The following PRDM10 variants were observed in gnomAD, a reference collection of about 807,000 sequenced individuals.
The protein encoded by PRDM10 is PR/SET domain 10, also known as PR domain zinc finger protein 10.
In PRDM10, 65 loss-of-function variants were observed where a neutral mutation model predicts 133.1. The observed-to-expected ratio is 0.49, with a 90% CI of 0.40 to 0.60. PRDM10 has a LOEUF of 0.60. Ranked by LOEUF, PRDM10 falls within the 20% of genes least tolerant of loss-of-function variation. The pLI is 0.00. For synonymous variants in PRDM10, 582 were observed against 580.4 expected (o/e 1.00, Z -0.04); for missense variants, 1,137 against 1,507.1 (o/e 0.75, Z 4.07).
rs757219300 is a variant in PRDM10 at position 129,910,573 on chromosome 11, T to C, written c.3066A>G (p.Thr1022=). 4 of 1,613,996 alleles carry C rather than the reference T, an allele frequency of 2.5e-6. No individual in the cohort carries two copies. The highest frequency in any genetic ancestry group is 2.5e-6 in the Non-Finnish European group (3 of 1,179,962). ...GCTGCTGCTGCAGAGCCTGCCCCTG[T>C]GTGGAAGAACTGCCCTGGATGTGGG... ...SPSHIQGSSS[T]QGQALQQQQQ... The change falls in exon 19 of 21, where the codon ACA becomes ACG. Residue 1022 remains threonine, a synonymous_variant. Transcript: ENST00000360871.
chr11:129,931,301 G>C (rs1301470090), intron 10 of PRDM10, 43 bp from the exon 11 acceptor site: 2 of 1,569,974 alleles, frequency 1.3e-6, no homozygotes. Context: ...GTGCCGGAGG[G>C]ACTGTCAGCT....
Position 129,965,310 on chromosome 11 carries a change from T to C in PRDM10, c.-118-4228A>G, listed in dbSNP as rs1951883901. On this transcript the variant is annotated intron_variant, in intron 1 of 20. Transcript: ENST00000360871. ...ATTCCCTGTACATGAATATCTTTGA[T>C]AGTAAGGCTTGTCATATTGATTTTC... 4.6e-5 allele frequency among the ~76,000 whole-genome samples: 7 copies of C among 152,214 alleles called. No homozygotes were observed. In the South Asian group the frequency reaches 8.3e-4, roughly 18 times the overall value.
intron 19 of PRDM10, among the ~76,000 whole-genome samples, chr11:129,908,759 A>T (rs1283077555): frequency 6.6e-6 from 1 of 151,994 alleles, no homozygotes; most frequent in Admixed American, 6.6e-5. Context: ...GAATATCTTC[A>T]TCACTCCACT....
In PRDM10 at chr11:129,918,002, G is replaced by C. The variant is rs894592082; in HGVS notation, c.2214+537C>G. 6.6e-6 allele frequency among the ~76,000 whole-genome samples: 1 copy of C among 152,100 alleles called. No homozygotes were observed. Among genetic ancestry groups the C allele is most frequent in the Non-Finnish European group, 1.5e-5 (1 of 68,016 alleles). ...AAAAATTAGCCAGGCATGGTGGTGG[G>C]CACCTGTAATCCCAGCTACTCAGGA... is the stretch of plus-strand genomic sequence containing the variant. On this transcript the variant is annotated intron_variant, in intron 14 of 20. Transcript: ENST00000360871. The surrounding 1 kb of genome is among the most constrained non-coding windows in gnomAD (Gnocchi z 5.3).
chr11:129,914,540 G>C, intron 17 of PRDM10, 164 bp downstream of exon 17: 1 of 937,896 alleles, frequency 1.1e-6, no homozygotes, highest in South Asian at 1.4e-5. Context: ...GCTAAGGCCA[G>C]AGGCCTCATC....
chr11:129,923,316 G>A lies in PRDM10; in HGVS notation c.1966C>T (p.Arg656Ter). Residue 656 changes from arginine to a stop codon, truncating the protein, a stop_gained, in exon 13 of 21, where the codon CGA (arginine) becomes TGA (stop). Coordinates refer to ENST00000360871, the MANE Select transcript of PRDM10 (RefSeq NM_199437.2). LOFTEE classifies it high-confidence loss of function. This position sits in a 1 kb window ranked among gnomAD's most constrained non-coding sequence, Gnocchi z 4.4. ...DKAFCRPDKLRLHMLRHSDRK... is the reference protein window; with the variant it reads ...DKAFCRPDKL ...TCCGAATGCCGGAGCATGTGGAGTC[G>A]CAGTTTATCGGGGCGACAGAAGGCC... is the stretch of plus-strand genomic sequence containing the variant. The A allele has an allele frequency of 6.2e-7, 1 of 1,608,514 alleles. No individual in the cohort carries two copies. Among genetic ancestry groups the A allele is most frequent in the Non-Finnish European group, 8.5e-7 (1 of 1,177,392 alleles).
intron 1 of PRDM10, among the ~76,000 whole-genome samples, chr11:129,988,504 T>C (rs1349423501): frequency 2.6e-5 from 4 of 151,866 alleles, no homozygotes; most frequent in South Asian, 4.2e-4. Flanking sequence ...AGTGCTGGGA[T>C]TACAGCCATA....
intron 14 of PRDM10, 143 bp from the exon 15 acceptor site, chr11:129,917,380 A>G: frequency 1.6e-6 from 1 of 628,800 alleles, no homozygotes. Context: ...GGCCAGAACC[A>G]GGATCACCAG....
Position 129,910,380 on chromosome 11 carries a change from G to C in PRDM10, c.3163+96C>G, listed in dbSNP as rs1275136935. The stretch of plus-strand genomic sequence containing the variant: ...TAGAGAGTGTAAACAATGGCCAAGA[G>C]ATACTTTAAAAATCTATCACAAGCT... On this transcript the variant is annotated intron_variant, in intron 19 of 20. Coordinates refer to ENST00000360871, the MANE Select transcript of PRDM10 (RefSeq NM_199437.2). 9 of 1,523,398 alleles carry C rather than the reference G, an allele frequency of 5.9e-6. No homozygotes were observed. The Admixed American group carries it at 1.6e-4, about 26-fold the overall frequency. The allele number at this position is 1,523,398 out of a possible 1,614,324, so 94.4% of individuals were successfully genotyped here.
chr11:129,944,731 G>T, intron 6 of PRDM10, 40 bp downstream of exon 6: 2 of 1,608,924 alleles, frequency 1.2e-6, no homozygotes, highest in East Asian at 2.2e-5. Context: ...TTCAAACACT[G>T]GTAAAGGACA....
intron 19 of PRDM10, 68 bp downstream of exon 19, chr11:129,910,408 A>G (rs1468051171): frequency 6.3e-7 from 1 of 1,595,256 alleles, no homozygotes; most frequent in African/African-American, 1.3e-5. Flanking sequence ...CACAAGCTGA[A>G]GAAATTATGA....
Position 129,918,499 on chromosome 11 carries a change from G to A in PRDM10, c.2214+40C>T. ...ACCATCATCGACAGCAATGAGGTAT[G>A]CTGGGAAGACAGAGGAACCCGCAGC... On this transcript the variant is annotated intron_variant, in intron 14 of 20. Transcript: ENST00000360871. This position sits in a 1 kb window ranked among gnomAD's most constrained non-coding sequence, Gnocchi z 5.3. 3 of 1,597,460 alleles carry A rather than the reference G, an allele frequency of 1.9e-6. No individual in the cohort carries two copies. The highest frequency in any genetic ancestry group is 2.6e-6 in the Non-Finnish European group (3 of 1,170,638).
At chr11:129,965,256 GGAAA>G (rs986278080) in intron 1 of PRDM10, among the ~76,000 whole-genome samples, 10 of 151,874 alleles carry the variant, frequency 6.6e-5, no homozygotes, top group African/African-American at 2.4e-4. Flanking sequence ...AAAAAAAAAC[GGAAA>G]GAAAGAAAAG....
intron 7 of PRDM10, 79 bp downstream of exon 7, chr11:129,942,347 T>G: frequency 1.4e-6 from 2 of 1,459,474 alleles, no homozygotes; most frequent in Non-Finnish European, 9.3e-7. Context: ...CAAACCCACT[T>G]TAGGAAAATA....
In PRDM10 at chr11:129,914,968, G is replaced by A; in HGVS notation, c.2577C>T (p.Leu859=). ...IRKKHPEFAQ[L]SNTIHTPLTT... is the part of the protein sequence containing the mutation. ...TCAGTGGTGTGTGTATGGTGTTGGA[G>A]AGCTGGGCGAACTCTGGATGCTTCT... Residue 859 remains leucine (L), a synonymous_variant, in exon 17 of 21, where the codon CTC becomes CTT. Coordinates refer to ENST00000360871, the MANE Select transcript of PRDM10 (RefSeq NM_199437.2). 1 of 1,610,810 alleles carries A rather than the reference G, an allele frequency of 6.2e-7. No homozygotes were observed. The highest frequency in any genetic ancestry group is 1.1e-5 in the South Asian group (1 of 91,064).
At chr11:129,991,227 A>C (rs1337707845) in intron 1 of PRDM10, among the ~76,000 whole-genome samples, 3 of 152,230 alleles carry the variant, frequency 2.0e-5, no homozygotes, top group Non-Finnish European at 4.4e-5. Flanking sequence ...CTCATCCAGA[A>C]AAGACTTATT....
chr11:129,947,499 C>T lies in PRDM10; in HGVS notation c.295-129G>A. On this transcript the variant is annotated intron_variant, in intron 4 of 20. Transcript: ENST00000360871. The surrounding 1 kb of genome is among the most constrained non-coding windows in gnomAD (Gnocchi z 4.6). The stretch of plus-strand genomic sequence containing the variant: ...GTCTTCCTACCAACTCCTTCCAGGC[C>T]CTGGAAAAATGACTTCCATCTACCG... 1 of 1,527,632 alleles carries T rather than the reference C, an allele frequency of 6.5e-7. No homozygotes were observed. The highest frequency in any genetic ancestry group is 1.4e-5 in the African/African-American group (1 of 72,234). The allele number at this position is 1,527,632 out of a possible 1,614,324, so 94.6% of individuals were successfully genotyped here.
intron 1 of PRDM10, among the ~76,000 whole-genome samples, chr11:129,965,029 G>A (rs1177145704): frequency 6.6e-6 from 1 of 152,104 alleles, no homozygotes; most frequent in Non-Finnish European, 1.5e-5. Flanking sequence ...AATTTGGCTG[G>A]GCGAGGTGGC....
In PRDM10 at chr11:129,902,072, T is replaced by C; in HGVS notation, c.*241A>G. 1 of 501,278 alleles carries C rather than the reference T, an allele frequency of 2.0e-6. No homozygotes were observed. The highest frequency in any genetic ancestry group is 3.5e-6 in the Non-Finnish European group (1 of 289,276). The allele number at this position is 501,278 out of a possible 1,614,324, so 31.1% of individuals were successfully genotyped here. A position where few individuals can be genotyped will look rare whatever the true frequency, so the allele number is the denominator to read the frequency against. ...AAGAGCAAGGCAAATTCTCTCCACC[T>C]CGAAATCTACTTTCCCCTGAAAGAT... On this transcript the variant is annotated 3_prime_UTR_variant, in exon 21 of 21. Transcript: ENST00000360871.
Sources: allele counts gnomAD v4.1 joint callset (sites outside exome capture counted in the v4.1 genomes callset), GRCh38; gene constraint gnomAD v4.1.1; non-coding constraint Gnocchi (gnomAD v3.1); transcripts MANE v1.5; gene names NCBI Gene and HGNC (gene_info 2026-07-23, HGNC 2026-07-21).